The following NRXN1 variants were observed in gnomAD, a reference collection of about 807,000 sequenced individuals.
NRXN1 encodes the protein neurexin-1.
A neutral mutation model predicts 150.9 loss-of-function variants in NRXN1; 39 were observed. The observed-to-expected ratio is 0.26, with a 90% CI of 0.20 to 0.34. NRXN1 has a LOEUF of 0.34. NRXN1 is among the 10% of genes least tolerant of loss of function. NRXN1 has a pLI of 1.00. For synonymous variants in NRXN1, 924 were observed against 757.0 expected, an observed-to-expected ratio of 1.22 and a Z score of -3.62; for missense variants, 1,815 against 1,949.9, an observed-to-expected ratio of 0.93 and a Z score of 1.30.
intron 5 of NRXN1, among the ~76,000 whole-genome samples, chr2:50,727,705 A>G (rs1379940088): frequency 6.6e-6 from 1 of 152,160 alleles, no homozygotes; most frequent in Non-Finnish European, 1.5e-5. Flanking sequence ...AAGAAGATTT[A>G]TGTTTTTAAT....
intron 5 of NRXN1, among the ~76,000 whole-genome samples, chr2:50,840,878 G>C (rs1672769787): frequency 6.6e-6 from 1 of 152,116 alleles, no homozygotes; most frequent in Admixed American, 6.5e-5. Context: ...TCTACAGGCA[G>C]GTTGTCAGAA....
chr2:50,864,747 G>A (rs139939784), intron 5 of NRXN1, among the ~76,000 whole-genome samples: 1 of 152,120 alleles, frequency 6.6e-6, no homozygotes, highest in East Asian at 1.9e-4. Flanking sequence ...GAACAGAGGA[G>A]AAATTTGCAG....
chr2:50,091,214 T>C (rs1699507254), intron 19 of NRXN1, 109 bp downstream of exon 19: 13 of 1,250,024 alleles, frequency 1.0e-5, no homozygotes, highest in Non-Finnish European at 1.0e-5. Context: ...AATAAATAGT[T>C]GATGGTTTCT....
chr2:50,275,371 C>T (rs2070301157), intron 17 of NRXN1, among the ~76,000 whole-genome samples: 1 of 152,024 alleles, frequency 6.6e-6, no homozygotes, highest in African/African-American at 2.4e-5. Flanking sequence ...TTTGATTTGT[C>T]AAATATTAGT....
intron 5 of NRXN1, among the ~76,000 whole-genome samples, chr2:50,813,648 T>G (rs1574565501): frequency 6.6e-6 from 1 of 152,168 alleles, no homozygotes; most frequent in Non-Finnish European, 1.5e-5. Context: ...TATTACTAAG[T>G]CTGAATCAGC....
chr2:50,247,386 A>C (rs1416823636), intron 17 of NRXN1, among the ~76,000 whole-genome samples: 1 of 152,084 alleles, frequency 6.6e-6, no homozygotes, highest in Non-Finnish European at 1.5e-5. Context: ...TCAGGCTTTA[A>C]TGATTTATTA....
chr2:50,856,705 C>T (rs1675325610), intron 5 of NRXN1, among the ~76,000 whole-genome samples: 1 of 152,010 alleles, frequency 6.6e-6, no homozygotes, highest in Non-Finnish European at 1.5e-5. Context: ...AGTGTAATAA[C>T]TTGAAAAATA....
At chr2:50,733,902 T>C (rs2105220821) in intron 5 of NRXN1, among the ~76,000 whole-genome samples, 1 of 152,314 alleles carries the variant, frequency 6.6e-6, no homozygotes, top group South Asian at 2.1e-4. Context: ...TCTATTTTTT[T>C]CACATTCGTA....
chr2:50,573,613 A>T (rs1670978906), intron 8 of NRXN1, among the ~76,000 whole-genome samples: 1 of 152,074 alleles, frequency 6.6e-6, no homozygotes, highest in Non-Finnish European at 1.5e-5. Flanking sequence ...TTAAGGTAAG[A>T]AATGAAACAG....
chr2:50,828,914 G>T (rs1309629250), intron 5 of NRXN1, among the ~76,000 whole-genome samples: 1 of 152,190 alleles, frequency 6.6e-6, no homozygotes, highest in Non-Finnish European at 1.5e-5. Context: ...CCAAGATCAC[G>T]CCACTGCACT....
At chr2:50,897,518 C>G (rs1682183164) in intron 5 of NRXN1, among the ~76,000 whole-genome samples, 1 of 152,118 alleles carries the variant, frequency 6.6e-6, no homozygotes, top group African/African-American at 2.4e-5. Flanking sequence ...TTAATAAGAA[C>G]ATGATTTAAG....
chr2:50,874,152 G>C (rs1020082580), intron 5 of NRXN1, among the ~76,000 whole-genome samples: 14 of 151,872 alleles, frequency 9.2e-5, no homozygotes, highest in Non-Finnish European at 4.4e-5. Context: ...GAGCCATGAA[G>C]TGTTTTGCAA....
intron 5 of NRXN1, among the ~76,000 whole-genome samples, chr2:50,787,478 C>T (rs1705293339): frequency 6.6e-6 from 1 of 151,630 alleles, no homozygotes; most frequent in South Asian, 2.1e-4. Context: ...AGGAGAATCG[C>T]TTGAACCCAG....
At chr2:50,548,177 G>A (rs1418959770) in intron 9 of NRXN1, 1 of 152,146 alleles carries the variant, frequency 6.6e-6, no homozygotes, top group African/African-American at 2.4e-5. Flanking sequence ...TCAGAAAGGA[G>A]TTACCACCTT....
intron 2 of NRXN1, among the ~76,000 whole-genome samples, chr2:50,958,172 T>G (rs10205578): frequency 0.25 from 38,681 of 151,990 alleles, 6,437 homozygotes; most frequent in East Asian, 0.57. Flanking sequence ...TGGAAAGATT[T>G]TAATCAGAAA....
chr2:50,874,091 T>G (rs1214355446), intron 5 of NRXN1, among the ~76,000 whole-genome samples: 1 of 151,912 alleles, frequency 6.6e-6, no homozygotes, highest in Non-Finnish European at 1.5e-5. Context: ...ATTTGTTAAA[T>G]TAGTTAAAAA....
intron 18 of NRXN1, among the ~76,000 whole-genome samples, chr2:50,167,402 C>T (rs931570918): frequency 2.0e-5 from 3 of 151,862 alleles, no homozygotes; most frequent in Admixed American, 6.6e-5. Flanking sequence ...TGTCCTGCCT[C>T]CCCCCCGCCT....
intron 5 of NRXN1, among the ~76,000 whole-genome samples, chr2:50,780,737 AC>A (rs1379054271): frequency 5.3e-5 from 8 of 152,278 alleles, no homozygotes; most frequent in Non-Finnish European, 1.0e-4. Context: ...ATTATGTTGA[AC>A]ATTTAAAAAT....
At chr2:50,712,040 C>T (rs1250233972) in intron 5 of NRXN1, among the ~76,000 whole-genome samples, 1 of 152,086 alleles carries the variant, frequency 6.6e-6, no homozygotes, top group Non-Finnish European at 1.5e-5. Context: ...GACCAGGATC[C>T]TGACCTACAT....
Sources: allele counts gnomAD v4.1 joint callset (sites outside exome capture counted in the v4.1 genomes callset), GRCh38; gene constraint gnomAD v4.1.1; transcripts MANE v1.5; gene names NCBI Gene and HGNC (gene_info 2026-07-23, HGNC 2026-07-21).